The following ATXN7L1 variants were observed in gnomAD, a reference collection of about 807,000 sequenced individuals.
ATXN7L1 encodes ataxin 7 like 1.
Under a neutral mutation model 70.8 loss-of-function variants are expected in ATXN7L1, and 15 were observed. The observed-to-expected ratio is 0.21, with a 90% CI of 0.14 to 0.33. The LOEUF (loss-of-function observed/expected upper bound fraction) is 0.33. ATXN7L1 is among the 10% of genes least tolerant of loss of function. The pLI, the probability that ATXN7L1 is intolerant of heterozygous loss-of-function variation, is 1.00. For synonymous variants in ATXN7L1, 440 were observed against 445.1 expected (o/e 0.99, Z 0.14); for missense variants, 975 against 1,097.1 (o/e 0.89, Z 1.57).
At chr7:105,808,605 C>T (rs892603490) in intron 2 of ATXN7L1, among the ~76,000 whole-genome samples, 2 of 152,216 alleles carry the variant, frequency 1.3e-5, no homozygotes, top group Non-Finnish European at 2.9e-5. Context: ...AGAGAGAATT[C>T]CTTGTTAAGA....
intron 3 of ATXN7L1, among the ~76,000 whole-genome samples, chr7:105,673,481 C>T (rs1212983265): frequency 6.6e-6 from 1 of 152,276 alleles, no homozygotes; most frequent in East Asian, 1.9e-4. Flanking sequence ...GGCTTACTCA[C>T]TTGACAGCAT....
At chr7:105,664,575 G>GTGTGTGTGTGTATATATATATA in intron 4 of ATXN7L1, among the ~76,000 whole-genome samples, 2 of 131,988 alleles carry the variant, frequency 1.5e-5, no homozygotes, top group Admixed American at 7.4e-5. Flanking sequence ...GTATGTGTGT[G>GTGTGTGTGTGTATATATATATA]TATATATATA....
chr7:105,792,586 C>T (rs1045502589), intron 2 of ATXN7L1, among the ~76,000 whole-genome samples: 4 of 152,208 alleles, frequency 2.6e-5, no homozygotes, highest in Non-Finnish European at 4.4e-5. Flanking sequence ...CTCTAATTTA[C>T]CCCCAAGCAA....
intron 2 of ATXN7L1, among the ~76,000 whole-genome samples, chr7:105,810,664 G>C (rs1000703222): frequency 1.3e-4 from 20 of 152,304 alleles, no homozygotes; most frequent in African/African-American, 4.3e-4. Context: ...GTATGAGGGA[G>C]AGCAAAGAAG....
chr7:105,616,497 G>T (rs1163804128), intron 9 of ATXN7L1, among the ~76,000 whole-genome samples: 1 of 152,162 alleles, frequency 6.6e-6, no homozygotes, highest in Non-Finnish European at 1.5e-5. Flanking sequence ...ACTCACAATG[G>T]CCATGATGGC....
intron 2 of ATXN7L1, among the ~76,000 whole-genome samples, chr7:105,790,674 A>AT (rs1554464837): frequency 0.069 from 7,643 of 111,214 alleles, 437 homozygotes; most frequent in Admixed American, 0.078. Flanking sequence ...CTATCTATCT[A>AT]CTATCTATCT....
Position 105,727,207 on chromosome 7 carries a change from T to C in ATXN7L1, c.355+61397A>G, listed in dbSNP as rs559412066. Among the ~76,000 whole-genome samples the C allele has an allele frequency of 2.0e-5, 3 of 152,272 alleles. No individual in the cohort carries two copies. The South Asian group carries it at 6.2e-4, about 32-fold the overall frequency. On this transcript the variant is annotated intron_variant, in intron 3 of 11. Transcript: ENST00000419735. ...AAACACTATGCACAAGAGTGTTCAC[T>C]AGAGCACTGCCAATATTAACAGGGG...
chr7:105,623,311 C>T (rs1411045296), intron 8 of ATXN7L1, among the ~76,000 whole-genome samples: 5 of 152,190 alleles, frequency 3.3e-5, no homozygotes, highest in Non-Finnish European at 7.3e-5. Context: ...ACCATGGGGT[C>T]CCATGTTCTA....
intron 2 of ATXN7L1, among the ~76,000 whole-genome samples, chr7:105,839,973 G>A (rs1812959782): frequency 1.3e-5 from 2 of 152,342 alleles, no homozygotes; most frequent in East Asian, 1.9e-4. Flanking sequence ...GTGGTGTCAG[G>A]GAAACCTCAT....
chr7:105,609,548 T>A (rs938447519), intron 11 of ATXN7L1, among the ~76,000 whole-genome samples: 6 of 152,006 alleles, frequency 3.9e-5, no homozygotes, highest in Non-Finnish European at 5.9e-5. Flanking sequence ...CACTGCAGCC[T>A]CAACCTCCCA....
intron 3 of ATXN7L1, among the ~76,000 whole-genome samples, chr7:105,693,187 A>AT (rs1480871613): frequency 5.3e-5 from 8 of 151,638 alleles, no homozygotes; most frequent in South Asian, 2.1e-4. Flanking sequence ...AGAGTGAGAA[A>AT]TTTTTTTTGT....
At chr7:105,801,369 C>G (rs941005459) in intron 2 of ATXN7L1, among the ~76,000 whole-genome samples, 8 of 152,164 alleles carry the variant, frequency 5.3e-5, no homozygotes, top group African/African-American at 1.9e-4. Flanking sequence ...ACACAGATGA[C>G]TAGACCCCAT....
chr7:105,869,619 A>C (rs1416727976), intron 2 of ATXN7L1, among the ~76,000 whole-genome samples: 1 of 152,206 alleles, frequency 6.6e-6, no homozygotes. Context: ...GCATCTCAGA[A>C]GAACAGCAAA....
rs1792780828 is a variant in ATXN7L1 at position 105,606,753 on chromosome 7, A to G, written c.*1099T>C. The G allele has an allele frequency of 6.6e-6, 1 of 152,218 alleles. No homozygotes were observed. Among genetic ancestry groups the G allele is most frequent in the African/African-American group, 2.4e-5 (1 of 41,452 alleles). The allele number at this position is 152,218 out of a possible 1,614,324, so 9.4% of individuals were successfully genotyped here. On this transcript the variant is annotated 3_prime_UTR_variant, in exon 12 of 12. Coordinates refer to ENST00000419735, the MANE Select transcript of ATXN7L1 (RefSeq NM_020725.2). ...GATCCATGGGTGTGCTGATCCCACC[A>G]AGTCCCTGTGGCCCAGGGCATGGGG...
At chr7:105,629,631 T>C (rs893566157) in intron 7 of ATXN7L1, among the ~76,000 whole-genome samples, 2 of 151,518 alleles carry the variant, frequency 1.3e-5, no homozygotes, top group Non-Finnish European at 2.9e-5. Flanking sequence ...TTCTCCTGCC[T>C]CAGCCTCCTG....
intron 3 of ATXN7L1, among the ~76,000 whole-genome samples, chr7:105,674,057 C>T (rs1804216627): frequency 6.6e-6 from 1 of 152,212 alleles, no homozygotes; most frequent in African/African-American, 2.4e-5. Context: ...CCTTCTCAGA[C>T]TGCAGTACCT....
chr7:105,664,691 T>C (rs1280868931), intron 4 of ATXN7L1, among the ~76,000 whole-genome samples: 1 of 151,354 alleles, frequency 6.6e-6, no homozygotes, highest in African/African-American at 2.4e-5. Flanking sequence ...TTCAGCCTCC[T>C]GAGTAGCTGG....
chr7:105,864,876 C>T (rs923725648), intron 2 of ATXN7L1, among the ~76,000 whole-genome samples: 1 of 152,096 alleles, frequency 6.6e-6, no homozygotes, highest in Non-Finnish European at 1.5e-5. Context: ...ACCTCATGAT[C>T]CACCCGCCTG....
chr7:105,797,937 T>A (rs1413864408), intron 2 of ATXN7L1, among the ~76,000 whole-genome samples: 1 of 152,242 alleles, frequency 6.6e-6, no homozygotes, highest in Non-Finnish European at 1.5e-5. Context: ...AGCTGCTTAA[T>A]CAATGGTAAT....
Sources: gnomAD v4.1 joint callset for allele counts (sites outside exome capture counted in the v4.1 genomes callset) on GRCh38, gnomAD v4.1.1 for gene constraint, MANE v1.5 for transcripts, NCBI Gene and HGNC (gene_info 2026-07-23, HGNC 2026-07-21) for gene names.